PTPRT: variants seen among roughly 807,000 people sequenced by gnomAD.
The protein encoded by PTPRT is protein tyrosine phosphatase receptor type T.
A neutral mutation model predicts 176.8 loss-of-function variants in PTPRT; 56 were observed. The observed-to-expected ratio is 0.32, with a 90% CI of 0.26 to 0.40. The LOEUF (loss-of-function observed/expected upper bound fraction) is 0.40. PTPRT is among the 10% of genes least tolerant of loss of function. PTPRT has a pLI of 1.00. For synonymous variants in PTPRT, 783 were observed against 739.0 expected (o/e 1.06, Z -0.96); for missense variants, 1,540 against 1,908.2 (o/e 0.81, Z 3.60).
At chr20:42,910,995 C>G (rs1245514567) in intron 1 of PTPRT, among the ~76,000 whole-genome samples, 2 of 152,090 alleles carry the variant, frequency 1.3e-5, no homozygotes, top group Admixed American at 1.3e-4. Flanking sequence ...ATAAAACCAT[C>G]AGATCTCGTG....
intron 7 of PTPRT, among the ~76,000 whole-genome samples, chr20:42,498,973 T>C (rs2071701853): frequency 6.6e-6 from 1 of 152,146 alleles, no homozygotes; most frequent in Non-Finnish European, 1.5e-5. Flanking sequence ...CCAACCGCCT[T>C]TGGGACATGT....
At chr20:42,569,773 T>C (rs1012993454) in intron 7 of PTPRT, among the ~76,000 whole-genome samples, 2 of 152,216 alleles carry the variant, frequency 1.3e-5, no homozygotes, top group African/African-American at 2.4e-5. Flanking sequence ...TCAGTTAGCA[T>C]GACTTGTGTT....
chr20:42,326,385 G>T (rs2057881994), intron 11 of PTPRT, among the ~76,000 whole-genome samples: 1 of 152,134 alleles, frequency 6.6e-6, no homozygotes, highest in African/African-American at 2.4e-5. Context: ...ATTTTAGAAA[G>T]GAAAGCAATT....
chr20:42,928,945 C>T (rs1439734319), intron 1 of PTPRT, among the ~76,000 whole-genome samples: 2 of 152,224 alleles, frequency 1.3e-5, no homozygotes, highest in Non-Finnish European at 1.5e-5. Context: ...GTGACATTGT[C>T]TGGATAACCC....
At chr20:42,880,323 C>G (rs956548183) in intron 2 of PTPRT, among the ~76,000 whole-genome samples, 2 of 152,126 alleles carry the variant, frequency 1.3e-5, no homozygotes, top group Non-Finnish European at 2.9e-5. Context: ...GTCTCAGCTC[C>G]CTGGGGACTG....
intron 9 of PTPRT, among the ~76,000 whole-genome samples, chr20:42,388,617 C>T (rs2058767929): frequency 6.6e-6 from 1 of 152,188 alleles, no homozygotes; most frequent in Admixed American, 6.5e-5. Flanking sequence ...ATTAAAAAGT[C>T]AGGCAACAAC....
chr20:42,651,046 C>G (rs62203853), intron 7 of PTPRT, among the ~76,000 whole-genome samples: 7,969 of 151,662 alleles, frequency 0.053, 744 homozygotes, highest in African/African-American at 0.18. Flanking sequence ...AATAAAGTAG[C>G]CTTTAGTTTA....
chr20:42,347,569 T>C (rs1217174864), intron 11 of PTPRT, among the ~76,000 whole-genome samples: 4 of 152,140 alleles, frequency 2.6e-5, no homozygotes, highest in African/African-American at 7.2e-5. Flanking sequence ...TGGTGGGACC[T>C]AGGTGCTTGG....
intron 7 of PTPRT, among the ~76,000 whole-genome samples, chr20:42,640,239 TA>T (rs1244247058): frequency 1.3e-5 from 2 of 152,162 alleles, no homozygotes; most frequent in African/African-American, 4.8e-5. Flanking sequence ...CAGTAAAATT[TA>T]TTTTTTTATT....
At chr20:42,799,197 G>A (rs886435464) in intron 2 of PTPRT, among the ~76,000 whole-genome samples, 2 of 151,978 alleles carry the variant, frequency 1.3e-5, no homozygotes, top group Non-Finnish European at 2.9e-5. Flanking sequence ...GGGAACAAGG[G>A]AAAGAGGCAG....
At chr20:43,171,634 G>A (rs73280321) in intron 1 of PTPRT, among the ~76,000 whole-genome samples, 7,526 of 152,160 alleles carry the variant, frequency 0.049, 287 homozygotes, top group African/African-American at 0.11. Context: ...CTAGACCAGC[G>A]ATTCTCAAAT....
At chr20:42,943,335 A>G (rs1176532766) in intron 1 of PTPRT, among the ~76,000 whole-genome samples, 2 of 152,198 alleles carry the variant, frequency 1.3e-5, no homozygotes, top group African/African-American at 4.8e-5. Context: ...TCTAAAGCCA[A>G]CCATTTTTGG....
In PTPRT at chr20:43,189,813, C is replaced by A. The variant is rs1297642309; in HGVS notation, c.-80G>T. On this transcript the variant is annotated 5_prime_UTR_variant, in exon 1 of 31. Transcript: ENST00000373187. The surrounding 1 kb of genome is among the most constrained non-coding windows in gnomAD (Gnocchi z 5.0). ...GGGCGGGCGCGGGGTGGCCCCGCAT[C>A]GCCGGCGCGGCCGCTGGCTGTGCGC... 4 of 764,916 alleles carry A rather than the reference C, an allele frequency of 5.2e-6. No individual in the cohort carries two copies. The highest frequency in any genetic ancestry group is 4.8e-6 in the Non-Finnish European group (3 of 625,518). The allele number at this position is 764,916 out of a possible 1,614,324, so 47.4% of individuals were successfully genotyped here.
chr20:42,463,074 T>C (rs561748016), intron 8 of PTPRT, among the ~76,000 whole-genome samples: 3 of 152,248 alleles, frequency 2.0e-5, no homozygotes, highest in Admixed American at 2.0e-4. Flanking sequence ...AAAATCAGGA[T>C]GTCTCACCCC....
intron 7 of PTPRT, among the ~76,000 whole-genome samples, chr20:42,599,107 T>G (rs1854449788): frequency 6.6e-6 from 1 of 152,140 alleles, no homozygotes; most frequent in Admixed American, 6.5e-5. Flanking sequence ...GGAGCAGCAG[T>G]GCAGATGCAC....
chr20:42,231,949 G>A (rs1290956423), intron 15 of PTPRT, among the ~76,000 whole-genome samples: 18 of 151,964 alleles, frequency 1.2e-4, no homozygotes, highest in Admixed American at 1.2e-3. Flanking sequence ...GAATTCCTCT[G>A]CTCCTCCCCC....
At chr20:42,046,778 A>AGTGTGTGTGTGT in the PTPRT span, among the ~76,000 whole-genome samples, 15,786 of 150,754 alleles carry the variant, frequency 0.1, 988 homozygotes, top group Middle Eastern at 0.2. Flanking sequence ...TTGTCATGTG[A>AGTGTGTGTGTGT]GTGTGTGTGT....
chr20:42,284,456 T>G (rs181657494), intron 12 of PTPRT, among the ~76,000 whole-genome samples: 2 of 152,086 alleles, frequency 1.3e-5, no homozygotes, highest in Non-Finnish European at 2.9e-5. Flanking sequence ...AAGCTGAAAA[T>G]TTTTAGAAAT....
intron 28 of PTPRT, 63 bp from the exon 29 acceptor site, chr20:42,084,908 G>A: frequency 7.6e-7 from 1 of 1,311,650 alleles, no homozygotes; most frequent in Non-Finnish European, 9.9e-7. Context: ...GCACCTTGCA[G>A]ATACCCCGGG....
Sources: gnomAD v4.1 joint callset for allele counts (sites outside exome capture counted in the v4.1 genomes callset) on GRCh38, gnomAD v4.1.1 for gene constraint, Gnocchi (gnomAD v3.1) non-coding constraint, MANE v1.5 for transcripts, NCBI Gene and HGNC (gene_info 2026-07-23, HGNC 2026-07-21) for gene names.